Variants in GAREM2 observed in about 807,000 individuals in gnomAD.
GAREM2 encodes the protein GRB2 associated regulator of MAPK1 subtype 2.
A neutral mutation model predicts 55.6 loss-of-function variants in GAREM2; 30 were observed. The observed-to-expected ratio is 0.54, with a 90% CI of 0.40 to 0.73. The LOEUF (loss-of-function observed/expected upper bound fraction) is 0.73, where lower values mean the gene tolerates loss of function less well. GAREM2 is among the 30% of genes least tolerant of loss of function. The pLI is 0.00. For missense variants in GAREM2, 1,075 were observed against 1,257.7 expected, an observed-to-expected ratio of 0.85 and a Z score of 2.20; for synonymous variants, 550 against 569.1, an observed-to-expected ratio of 0.97 and a Z score of 0.48.
Position 26,188,308 on chromosome 2 carries a change from T to G in GAREM2, c.*51T>G. 3 of 1,356,260 alleles carry G rather than the reference T, an allele frequency of 2.2e-6. No homozygotes were observed. Among genetic ancestry groups the G allele is most frequent in the East Asian group, 2.8e-5 (1 of 36,036 alleles). 84.0% of individuals were successfully genotyped at this position (1,356,260 alleles called of 1,614,324 possible). On this transcript the variant is annotated 3_prime_UTR_variant, in exon 6 of 6. Transcript: ENST00000401533. Reference sequence around the variant, plus strand: ...GGAATGCTGGTATGGGGGCCCCAGGTACAGCACTCCGGAGGAGCAGGTGCT... The same window carrying G: ...GGAATGCTGGTATGGGGGCCCCAGGGACAGCACTCCGGAGGAGCAGGTGCT...
intron 1 of GAREM2, among the ~76,000 whole-genome samples, chr2:26,175,695 T>C (rs956313389): frequency 1.3e-5 from 2 of 152,152 alleles, no homozygotes; most frequent in Non-Finnish European, 2.9e-5. Context: ...GGAGAGGCAG[T>C]AATCAGCTGC....
At chr2:26,198,261 T>C in the GAREM2 span, among the ~76,000 whole-genome samples, 1 of 152,190 alleles carries the variant, frequency 6.6e-6, no homozygotes, top group Non-Finnish European at 1.5e-5. Context: ...ACCACTATAG[T>C]TGCAGCTACA....
At chr2:26,196,732 G>A in the GAREM2 span, among the ~76,000 whole-genome samples, 1 of 152,220 alleles carries the variant, frequency 6.6e-6, no homozygotes, top group East Asian at 1.9e-4. Flanking sequence ...AAAGTGTGAT[G>A]CTTGCTCTGC....
rs1160402178 is a variant in GAREM2, at chr2:26,176,378, C to T, written c.147C>T (p.Ile49=). Residue 49 remains isoleucine (I), a synonymous_variant, in exon 2 of 6, where the codon ATC becomes ATT. Coordinates refer to ENST00000401533, the MANE Select transcript of GAREM2 (RefSeq NM_001168241.2). ...EYAEGVSERD[I]LLIHSCRQWT... is the part of the protein sequence containing the mutation. Reference sequence around the variant, plus strand: ...CCGAGGGCGTCAGTGAGCGAGACATCCTGCTCATCCACTCCTGCCGGCAGT... The same window carrying T: ...CCGAGGGCGTCAGTGAGCGAGACATTCTGCTCATCCACTCCTGCCGGCAGT... The T allele has an allele frequency of 7.1e-6, 11 of 1,549,400 alleles. No individual in the cohort carries two copies. The highest frequency in any genetic ancestry group is 8.7e-6 in the Non-Finnish European group (10 of 1,145,732).
chr2:26,195,293 T>TAGGAA, the GAREM2 span: 1 of 1,374,856 alleles, frequency 7.3e-7, no homozygotes, highest in African/African-American at 1.4e-5. Context: ...CTGAGAGCAT[T>TAGGAA]CCTTCTCTGC....
chr2:26,173,940 T>C (rs1330016256), intron 1 of GAREM2, among the ~76,000 whole-genome samples: 4 of 151,756 alleles, frequency 2.6e-5, no homozygotes, highest in African/African-American at 7.3e-5. Context: ...CACTTCTTAA[T>C]AGGACCTGGG....
At chr2:26,195,071 C>G in the GAREM2 span, 1 of 1,603,128 alleles carries the variant, frequency 6.2e-7, no homozygotes, top group African/African-American at 1.3e-5. Flanking sequence ...AACTCTGCAG[C>G]TCTGTTATAC....
chr2:26,197,871 C>T, the GAREM2 span: 1 of 763,558 alleles, frequency 1.3e-6, no homozygotes, highest in Admixed American at 1.8e-5. Flanking sequence ...GGGCCCAGCC[C>T]ACTCTGTCCC....
chr2:26,203,593 G>A, the GAREM2 span, among the ~76,000 whole-genome samples: 1 of 152,168 alleles, frequency 6.6e-6, no homozygotes, highest in African/African-American at 2.4e-5. Flanking sequence ...GAAGAGTCCT[G>A]ATCCCGGCCC....
the GAREM2 span, chr2:26,195,031 G>T: frequency 2.3e-6 from 3 of 1,314,758 alleles, no homozygotes; most frequent in South Asian, 1.2e-5. Context: ...AAGCCTGGAG[G>T]TAAAAGGAGT....
At chr2:26,177,467 G>C (rs1327140906) in intron 2 of GAREM2, among the ~76,000 whole-genome samples, 1 of 152,208 alleles carries the variant, frequency 6.6e-6, no homozygotes, top group African/African-American at 2.4e-5. Context: ...AGGAAACTGA[G>C]GCTCCAGGAG....
chr2:26,174,600 G>C (rs907443933), intron 1 of GAREM2, among the ~76,000 whole-genome samples: 1 of 152,222 alleles, frequency 6.6e-6, no homozygotes, highest in Non-Finnish European at 1.5e-5. Flanking sequence ...AGGCATCCTT[G>C]CCCAATAAAG....
rs1669359739 is a variant in GAREM2 at position 26,188,232 on chromosome 2, TC to T, written c.2601del (p.Gly869AlafsTer42). ...CAGGTCAAGAAGATCATGCAGTTCA[TC>T]AAAGGCTGGAGGCCCAAGATCTGAA... is the stretch of plus-strand genomic sequence containing the variant. The part of the protein sequence containing the change: ...KLQVKKIMQF[I>X]KGWRPKI On this transcript the variant is annotated frameshift_variant, in exon 6 of 6. Transcript: ENST00000401533. LOFTEE classifies it high-confidence loss of function. The T allele has an allele frequency of 4.0e-6, 6 of 1,492,304 alleles. No individual in the cohort carries two copies. The highest frequency in any genetic ancestry group is 5.4e-6 in the Non-Finnish European group (6 of 1,111,210). The allele number at this position is 1,492,304 out of a possible 1,614,324, so 92.4% of individuals were successfully genotyped here.
chr2:26,200,794 G>A, the GAREM2 span, among the ~76,000 whole-genome samples: 118,643 of 151,302 alleles, frequency 0.78, 46,505 homozygotes, highest in East Asian at 0.85. Flanking sequence ...GTGCAGTGGC[G>A]TGATCTCGGC....
chr2:26,178,889 A>AGGAGGCGGAGGCGGAGGCGGAGGC lies in GAREM2; in HGVS notation c.253+2423_253+2424insGGAGGCGGAGGCGGAGGCGGAGGC, dbSNP rs1553309898. Among the ~76,000 whole-genome samples, 294 of 149,820 alleles carry AGGAGGCGGAGGCGGAGGCGGAGGC rather than the reference A, an allele frequency of 2.0e-3. 2 individuals carry two copies. Among genetic ancestry groups the AGGAGGCGGAGGCGGAGGCGGAGGC allele is most frequent in the African/African-American group, 6.8e-3 (273 of 40,430 alleles). On this transcript the variant is annotated intron_variant, in intron 2 of 5. Transcript: ENST00000401533. ...GTCCGCCCGCACGGGGGAGGGGAGG[A>AGGAGGCGGAGGCGGAGGCGGAGGC]GGAGGCGGAGGCGGAGGCAGAGGCC...
chr2:26,190,126 G>A (rs906046256), downstream of GAREM2, among the ~76,000 whole-genome samples: 2 of 152,216 alleles, frequency 1.3e-5, no homozygotes, highest in Non-Finnish European at 2.9e-5. Context: ...GCTTCCTAGT[G>A]ACCAAGCAGA....
At chr2:26,177,148 G>C (rs1034679181) in intron 2 of GAREM2, among the ~76,000 whole-genome samples, 10 of 152,190 alleles carry the variant, frequency 6.6e-5, no homozygotes, top group African/African-American at 2.4e-4. Flanking sequence ...GAAACGGAAG[G>C]CTTGGGGGAG....
the GAREM2 span, chr2:26,203,919 T>A: frequency 7.1e-6 from 6 of 840,902 alleles, no homozygotes; most frequent in African/African-American, 6.7e-5. Flanking sequence ...CTACGGAGTA[T>A]CTAGAACTCA....
chr2:26,186,402 A>C, intron 5 of GAREM2, 44 bp downstream of exon 5: 258 of 1,522,876 alleles, frequency 1.7e-4, no homozygotes, highest in Non-Finnish European at 2.1e-4. Flanking sequence ...AAGGTAGATC[A>C]AGGCAGGGAA....
Sources: allele counts gnomAD v4.1 joint callset (sites outside exome capture counted in the v4.1 genomes callset), GRCh38; gene constraint gnomAD v4.1.1; transcripts MANE v1.5; gene names NCBI Gene and HGNC (gene_info 2026-07-23, HGNC 2026-07-21).